The following KLRG1 variants were observed in gnomAD, a reference collection of about 807,000 sequenced individuals.
The protein encoded by KLRG1 is killer cell lectin-like receptor subfamily G member 1.
In KLRG1, 16 loss-of-function variants were observed where a neutral mutation model predicts 21.8. The observed-to-expected ratio is 0.73, with a 90% CI of 0.50 to 1.11. The LOEUF is 1.11. KLRG1 is among the 50% of genes most tolerant of loss of function. The pLI, the probability that KLRG1 is intolerant of heterozygous loss-of-function variation, is 0.00. For missense variants in KLRG1, 173 were observed against 218.3 expected (o/e 0.79, Z 1.31); for synonymous variants, 69 against 75.9 (o/e 0.91, Z 0.47).
the KLRG1 span, chr12:9,106,676 C>T: frequency 5.8e-5 from 44 of 756,260 alleles, no homozygotes; most frequent in African/African-American, 5.3e-4. Flanking sequence ...GTCAGATAAC[C>T]GGTGTGATTT....
the KLRG1 span, chr12:9,192,453 T>C: frequency 6.7e-7 from 1 of 1,489,088 alleles, no homozygotes; most frequent in Middle Eastern, 1.7e-4. Flanking sequence ...TTCCTGAGCC[T>C]ATTGACCACT....
chr12:9,055,402 A>T, the KLRG1 span, among the ~76,000 whole-genome samples: 1 of 152,188 alleles, frequency 6.6e-6, no homozygotes, highest in Admixed American at 6.5e-5. Flanking sequence ...CCAGATTGCC[A>T]TTACATTGCT....
chr12:8,981,376 T>C (rs1357299774), intron 1 of KLRG1, among the ~76,000 whole-genome samples: 1 of 152,114 alleles, frequency 6.6e-6, no homozygotes, highest in East Asian at 1.9e-4. Context: ...AATTTTTTTC[T>C]TTTCCATTCA....
intron 1 of KLRG1, among the ~76,000 whole-genome samples, chr12:8,952,952 G>A (rs1362852006): frequency 6.6e-6 from 1 of 151,970 alleles, no homozygotes; most frequent in Non-Finnish European, 1.5e-5. Flanking sequence ...CACTTGTTTT[G>A]TAGAATGTCT....
At chr12:9,074,628 A>T in the KLRG1 span, 1 of 1,613,948 alleles carries the variant, frequency 6.2e-7, no homozygotes. Context: ...TTGGTTGCAG[A>T]GGTCAGGTCC....
the KLRG1 span, among the ~76,000 whole-genome samples, chr12:9,189,807 C>T: frequency 6.6e-6 from 1 of 152,096 alleles, no homozygotes; most frequent in East Asian, 1.9e-4. Flanking sequence ...AAAAAACAAA[C>T]CACCACATTA....
chr12:9,175,068 A>T, the KLRG1 span, among the ~76,000 whole-genome samples: 1 of 152,358 alleles, frequency 6.6e-6, no homozygotes, highest in Non-Finnish European at 1.5e-5. Flanking sequence ...ACTTTACTAC[A>T]AGGTTACAGT....
chr12:9,141,931 A>G, the KLRG1 span, among the ~76,000 whole-genome samples: 5 of 152,222 alleles, frequency 3.3e-5, no homozygotes, highest in African/African-American at 1.2e-4. Flanking sequence ...TACAGCTAAG[A>G]GTTATATGGC....
At chr12:9,074,783 T>C in the KLRG1 span, 1 of 1,608,418 alleles carries the variant, frequency 6.2e-7, no homozygotes, top group Admixed American at 1.7e-5. Flanking sequence ...GACAGAGTTG[T>C]CTTAAAGATG....
chr12:9,107,095 T>C, the KLRG1 span, among the ~76,000 whole-genome samples: 1 of 152,208 alleles, frequency 6.6e-6, no homozygotes, highest in East Asian at 1.9e-4. Context: ...CAAAGTCTGG[T>C]TCCTCCTCCA....
chr12:9,041,194 G>T, the KLRG1 span, among the ~76,000 whole-genome samples: 2 of 152,162 alleles, frequency 1.3e-5, no homozygotes, highest in African/African-American at 2.4e-5. Context: ...AATTAGCCAG[G>T]TGAGATGGCT....
the KLRG1 span, among the ~76,000 whole-genome samples, chr12:9,021,789 CACATCT>C: frequency 6.6e-5 from 10 of 152,152 alleles, no homozygotes; most frequent in African/African-American, 2.4e-4. Context: ...CTTCCACCTC[CACATCT>C]TGTCCCACTG....
the KLRG1 span, chr12:9,202,329 C>A: frequency 6.2e-7 from 1 of 1,613,862 alleles, no homozygotes; most frequent in South Asian, 1.1e-5. Context: ...CAGTTCATTT[C>A]GAGGGCGAAA....
At chr12:9,181,014 A>C in the KLRG1 span, 2 of 1,614,046 alleles carry the variant, frequency 1.2e-6, no homozygotes, top group African/African-American at 1.3e-5. Context: ...CTCAGGCTTC[A>C]TGAGCAGCAC....
the KLRG1 span, among the ~76,000 whole-genome samples, chr12:9,080,961 G>A: frequency 0.02 from 3,099 of 152,134 alleles, 115 homozygotes; most frequent in African/African-American, 0.071. Context: ...TGCTACTGAT[G>A]AACATACATT....
chr12:9,096,271 G>A, the KLRG1 span, among the ~76,000 whole-genome samples: 2 of 152,156 alleles, frequency 1.3e-5, no homozygotes, highest in African/African-American at 4.8e-5. Context: ...TCGTTACACA[G>A]TTCAGAGGCC....
At chr12:9,017,804 T>C in the KLRG1 span, among the ~76,000 whole-genome samples, 1 of 152,186 alleles carries the variant, frequency 6.6e-6, no homozygotes, top group African/African-American at 2.4e-5. Flanking sequence ...GCATTCACAT[T>C]GGAAAGGAAG....
At chr12:9,202,372 C>A in the KLRG1 span, 1 of 1,614,140 alleles carries the variant, frequency 6.2e-7, no homozygotes, top group Admixed American at 1.7e-5. Context: ...CGGAATCTTA[C>A]TGGAAAAGTA....
the KLRG1 span, among the ~76,000 whole-genome samples, chr12:9,187,095 A>G: frequency 3.5e-5 from 5 of 144,560 alleles, no homozygotes; most frequent in Non-Finnish European, 7.6e-5. Flanking sequence ...AAAAAAAAAG[A>G]CAAGAGAATT....
Sources: allele counts gnomAD v4.1 joint callset (sites outside exome capture counted in the v4.1 genomes callset), GRCh38; gene constraint gnomAD v4.1.1; transcripts MANE v1.5; gene names NCBI Gene and HGNC (gene_info 2026-07-23, HGNC 2026-07-21).